Variants in ZNF420 observed in about 807,000 individuals in gnomAD.
ZNF420 encodes zinc finger protein 420.
Under a neutral mutation model 44.7 loss-of-function variants are expected in ZNF420, and 31 were observed. That is an observed-to-expected ratio of 0.69 (90% CI 0.52 to 0.94). The LOEUF is 0.94. Among genes scored for constraint, ZNF420 ranks in the 40% least tolerant of loss-of-function variants. The probability of loss-of-function intolerance (pLI) is 0.00; values close to 1 mark genes in which losing one functional copy is unlikely to be tolerated. For synonymous variants in ZNF420, 245 were observed against 267.4 expected, an observed-to-expected ratio of 0.92 and a Z score of 0.82; for missense variants, 681 against 827.9, an observed-to-expected ratio of 0.82 and a Z score of 2.18.
intron 1 of ZNF420, among the ~76,000 whole-genome samples, chr19:37,038,961 G>C (rs1024540436): frequency 2.6e-5 from 4 of 151,340 alleles, no homozygotes; most frequent in Non-Finnish European, 4.4e-5. Context: ...ACTCCAGCCT[G>C]GACAACAACA....
intron 1 of ZNF420, among the ~76,000 whole-genome samples, chr19:37,019,772 A>C (rs936149492): frequency 6.6e-6 from 1 of 151,754 alleles, no homozygotes; most frequent in African/African-American, 2.4e-5. Flanking sequence ...TCTGTCACAA[A>C]AAAAAAAAAA....
chr19:37,021,572 A>G (rs1405118567), intron 1 of ZNF420, among the ~76,000 whole-genome samples: 1 of 152,134 alleles, frequency 6.6e-6, no homozygotes, highest in African/African-American at 2.4e-5. Context: ...GGGCCGAAAT[A>G]TTTAAAAAGT....
intron 1 of ZNF420, among the ~76,000 whole-genome samples, chr19:37,065,255 A>C (rs999401397): frequency 1.3e-5 from 2 of 152,194 alleles, no homozygotes; most frequent in Non-Finnish European, 2.9e-5. Flanking sequence ...ATTATGGTGC[A>C]TGATGGTAGG....
chr19:37,012,764 C>CTGTGTGTGTGTGTGTGTG (rs759249724), intron 1 of ZNF420, among the ~76,000 whole-genome samples: 1 of 132,268 alleles, frequency 7.6e-6, no homozygotes, highest in African/African-American at 3.1e-5. Context: ...TGCTATATGT[C>CTGTGTGTGTGTGTGTGTG]TCTGTGTGTG....
In ZNF420 at chr19:37,129,330, G is replaced by T. The variant is rs1971535889; in HGVS notation, c.*272G>T. The T allele has an allele frequency of 7.4e-6, 3 of 402,704 alleles. No individual in the cohort carries two copies. The highest frequency in any genetic ancestry group is 8.9e-6 in the Non-Finnish European group (2 of 225,914). 24.9% of individuals were successfully genotyped at this position (402,704 alleles called of 1,614,324 possible). A position where few individuals can be genotyped will look rare whatever the true frequency, so the allele number is the denominator to read the frequency against. ...AAATATCTTTTTCAACGTTATCTTA[G>T]CTCTACTAGTTGATCTTTTTGTTAT... On this transcript the variant is annotated 3_prime_UTR_variant, in exon 5 of 5. Transcript: ENST00000337995.
At chr19:37,059,391 G>T (rs180848834) in intron 1 of ZNF420, among the ~76,000 whole-genome samples, 4 of 152,354 alleles carry the variant, frequency 2.6e-5, no homozygotes, top group African/African-American at 9.6e-5. Flanking sequence ...GGCGCGAGCG[G>T]ATTCTCACCG....
At chr19:37,064,664 C>T (rs1016694954) in intron 1 of ZNF420, among the ~76,000 whole-genome samples, 9 of 152,200 alleles carry the variant, frequency 5.9e-5, no homozygotes, top group African/African-American at 2.2e-4. Flanking sequence ...ATTACTGCCG[C>T]CATACTCTCC....
chr19:37,066,755 C>T (rs919775923), intron 1 of ZNF420, among the ~76,000 whole-genome samples: 1 of 152,150 alleles, frequency 6.6e-6, no homozygotes, highest in Non-Finnish European at 1.5e-5. Context: ...ACTGAACATA[C>T]ACCTATACAC....
At chr19:37,114,006 T>C (rs1311547662) in intron 4 of ZNF420, among the ~76,000 whole-genome samples, 1 of 152,208 alleles carries the variant, frequency 6.6e-6, no homozygotes, top group Admixed American at 6.5e-5. Context: ...CATACTGTTT[T>C]ACTCCCTCTT....
At chr19:37,009,437 G>A (rs1482393264) in intron 1 of ZNF420, among the ~76,000 whole-genome samples, 2 of 152,166 alleles carry the variant, frequency 1.3e-5, no homozygotes, top group African/African-American at 4.8e-5. Context: ...CCGGGCACAT[G>A]CCTGGACACC....
intron 1 of ZNF420, among the ~76,000 whole-genome samples, chr19:37,034,981 G>C (rs190915605): frequency 1.8e-4 from 27 of 152,310 alleles, no homozygotes; most frequent in Non-Finnish European, 2.8e-4. Context: ...TAAGAACCCT[G>C]GTGAGGAAGA....
intron 1 of ZNF420, among the ~76,000 whole-genome samples, chr19:37,042,601 T>C (rs1164566242): frequency 1.3e-5 from 2 of 152,242 alleles, no homozygotes; most frequent in African/African-American, 4.8e-5. Flanking sequence ...GTTTGCTCTT[T>C]TCCAATTCAT....
At chr19:37,009,472 TA>T (rs2074552324) in intron 1 of ZNF420, among the ~76,000 whole-genome samples, 1 of 152,126 alleles carries the variant, frequency 6.6e-6, no homozygotes, top group Non-Finnish European at 1.5e-5. Flanking sequence ...CATCGCCCCA[TA>T]TGGCCTCGGT....
At chr19:37,068,682 A>G (rs1968010193) in intron 1 of ZNF420, among the ~76,000 whole-genome samples, 1 of 152,192 alleles carries the variant, frequency 6.6e-6, no homozygotes, top group African/African-American at 2.4e-5. Context: ...ATGCCAGTAC[A>G]TCTCTGATTG....
In ZNF420 at chr19:37,041,388, C is replaced by T. The variant is rs965110907; in HGVS notation, c.-125+33306C>T. Among the ~76,000 whole-genome samples the T allele has an allele frequency of 9.3e-5, 14 of 150,972 alleles. No individual in the cohort carries two copies. The East Asian group carries it at 9.7e-4, about 10-fold the overall frequency. On this transcript the variant is annotated intron_variant, in intron 1 of 4. Transcript: ENST00000587029. ...TTTGCTTTAATCTTTCTGCTGTTTT[C>T]GTAATAAAAGCCTTACAGTCAATTA... is the stretch of plus-strand genomic sequence containing the variant.
At chr19:37,028,826 A>T (rs137916183) in intron 1 of ZNF420, among the ~76,000 whole-genome samples, 1 of 152,306 alleles carries the variant, frequency 6.6e-6, no homozygotes, top group Non-Finnish European at 1.5e-5. Flanking sequence ...AGTTATGTTG[A>T]ATAAGTGGCA....
intron 1 of ZNF420, among the ~76,000 whole-genome samples, chr19:37,068,003 G>GTATA (rs57638776): frequency 1.3e-5 from 2 of 150,316 alleles, no homozygotes; most frequent in African/African-American, 4.9e-5. Context: ...GTGTGTGTGT[G>GTATA]TATATATATA....
At chr19:37,067,424 A>C (rs1967985525) in intron 1 of ZNF420, among the ~76,000 whole-genome samples, 1 of 152,200 alleles carries the variant, frequency 6.6e-6, no homozygotes, top group East Asian at 1.9e-4. Context: ...GGATCAATTC[A>C]TCCTTATGGA....
At chr19:37,023,147 G>GAAAAAAA (rs112331823) in intron 1 of ZNF420, among the ~76,000 whole-genome samples, 1 of 147,566 alleles carries the variant, frequency 6.8e-6, no homozygotes. Flanking sequence ...CAAAGAAAAA[G>GAAAAAAA]AAAAAAAAAA....
Sources: gnomAD v4.1 joint callset for allele counts (sites outside exome capture counted in the v4.1 genomes callset) on GRCh38, gnomAD v4.1.1 for gene constraint, MANE v1.5 for transcripts, NCBI Gene and HGNC (gene_info 2026-07-23, HGNC 2026-07-21) for gene names.